The following MAP3K15 variants were observed in gnomAD, a reference collection of about 807,000 sequenced individuals.
The protein encoded by MAP3K15 is MAPK/ERK kinase kinase 15.
A neutral mutation model predicts 99.5 loss-of-function variants in MAP3K15; 124 were observed. That is an observed-to-expected ratio of 1.25 (90% CI 1.08 to 1.45). The LOEUF (loss-of-function observed/expected upper bound fraction) is 1.45. MAP3K15 is among the 40% of genes most tolerant of loss of function. The pLI is 0.00. For missense variants in MAP3K15, 1,242 were observed against 1,079.7 expected (o/e 1.15, Z -2.11); for synonymous variants, 494 against 439.6 (o/e 1.12, Z -1.55).
rs991557819 is a variant in MAP3K15 at position 19,465,820 on chromosome X, G to C, written c.526-1414C>G. On this transcript the variant is annotated intron_variant, in intron 3 of 28. Coordinates refer to ENST00000338883, the MANE Select transcript of MAP3K15 (RefSeq NM_001001671.4). ...TGTAAGTAGAAAGGGTAAAAATTCA[G>C]GTGTGTAGGGGTGTGTGTGTGTGTG... is the stretch of plus-strand genomic sequence containing the variant. Among the ~76,000 whole-genome samples the C allele has an allele frequency of 5.2e-5, 3 of 57,713 alleles. No homozygotes were observed. The East Asian group carries it at 1.9e-3, about 37-fold the overall frequency. 50.1% of individuals were successfully genotyped at this position (57,713 alleles called of 115,157 possible).
At chrX:19,437,963 G>C (rs1483824249) in intron 6 of MAP3K15, among the ~76,000 whole-genome samples, 1 of 112,194 alleles carries the variant, frequency 8.9e-6, no homozygotes, top group Admixed American at 9.5e-5. Flanking sequence ...ATAGAAAATT[G>C]TCTCCAAGGA....
At chrX:19,475,118 G>A (rs190151920) in intron 3 of MAP3K15, among the ~76,000 whole-genome samples, 169 of 110,798 alleles carry the variant, frequency 1.5e-3, no homozygotes, top group African/African-American at 5.1e-3. Flanking sequence ...CTGTGATGTA[G>A]AATCAACAGG....
chrX:19,360,954 C>T (rs996197748), intron 28 of MAP3K15, 121 bp from the exon 29 acceptor site: 22 of 500,049 alleles, frequency 4.4e-5, no homozygotes, highest in South Asian at 3.4e-4. Context: ...ATGGAGGTGA[C>T]GCTCGTGTCC....
rs768517887 is a variant in MAP3K15 at position 19,455,736 on chromosome X, C to G, written c.995+1177G>C. Among the ~76,000 whole-genome samples, 5 of 109,263 alleles carry G rather than the reference C, an allele frequency of 4.6e-5. No homozygotes were observed. The South Asian group carries it at 1.6e-3, about 35-fold the overall frequency. The allele number at this position is 109,263 out of a possible 115,157, so 94.9% of individuals were successfully genotyped here. On this transcript the variant is annotated intron_variant, in intron 6 of 28. Transcript: ENST00000338883. ...GGCAATCTATTATTTCATTCTCTGT[C>G]TGACAACGGTTACCTCTACTATGTC...
At position 19,422,511 on chromosome X, in the gene MAP3K15, T is replaced by C. The variant is rs186785604; in HGVS notation, c.1439+3020A>G. Among the ~76,000 whole-genome samples, 334 of 111,753 alleles carry C rather than the reference T, an allele frequency of 3.0e-3. 1 individual carries two copies. Among genetic ancestry groups the C allele is most frequent in the African/African-American group, 0.01 (317 of 30,705 alleles). On this transcript the variant is annotated intron_variant, in intron 9 of 28. Transcript: ENST00000338883. The stretch of plus-strand genomic sequence containing the variant: ...TCACACCAGTTAGAATGGCGATCAT[T>C]AAAAAGTCAGGAAACAACAGGTGCT...
At chrX:19,399,127 A>T (rs2063589139) in intron 14 of MAP3K15, among the ~76,000 whole-genome samples, 1 of 112,141 alleles carries the variant, frequency 8.9e-6, no homozygotes, top group African/African-American at 3.2e-5. Context: ...ACTTCTAGGG[A>T]TGTTCATGAC....
intron 15 of MAP3K15, among the ~76,000 whole-genome samples, 173 bp downstream of exon 15, chrX:19,398,053 G>C (rs1181331259): frequency 2.2e-5 from 2 of 90,861 alleles, no homozygotes; most frequent in Non-Finnish European, 4.1e-5. Context: ...AATAGAGCGA[G>C]ACTCCGTTTC....
chrX:19,416,959 T>C (rs571148324), intron 9 of MAP3K15, among the ~76,000 whole-genome samples: 8 of 112,211 alleles, frequency 7.1e-5, no homozygotes, highest in Admixed American at 6.6e-4. Flanking sequence ...GAGGTAATTT[T>C]AGATTTACAT....
At chrX:19,443,666 C>G (rs56351117) in intron 6 of MAP3K15, among the ~76,000 whole-genome samples, 1 of 111,356 alleles carries the variant, frequency 9.0e-6, no homozygotes, top group Non-Finnish European at 1.9e-5. Context: ...GTATTCTGGG[C>G]GGGGGCACAG....
intron 12 of MAP3K15, among the ~76,000 whole-genome samples, chrX:19,407,720 T>C (rs760243711): frequency 8.9e-6 from 1 of 112,341 alleles, no homozygotes; most frequent in African/African-American, 3.2e-5. Flanking sequence ...GAAATAAACA[T>C]GGCACTGTAG....
intron 1 of MAP3K15, among the ~76,000 whole-genome samples, chrX:19,499,318 T>C (rs1373226604): frequency 8.9e-6 from 1 of 112,139 alleles, no homozygotes; most frequent in Admixed American, 9.5e-5. Flanking sequence ...CTGTCACACA[T>C]TGGTGCTAAG....
Position 19,395,142 on chromosome X carries a change from C to A in MAP3K15, c.2133G>T (p.Gln711His), listed in dbSNP as rs757128363. The A allele has an allele frequency of 8.3e-7, 1 of 1,206,625 alleles. No homozygotes were observed. Among genetic ancestry groups the A allele is most frequent in the East Asian group, 3.0e-5 (1 of 33,628 alleles). ...CGTTCTCTGAAACAGAGCCCAGGTA[C>A]TGAACGATATTGCGGTGCTTAAGGT... Reference protein sequence around the residue: ...HKYLKHRNIVQYLGSVSENGY... With the variant: ...HKYLKHRNIVHYLGSVSENGY... The change falls in exon 16 of 29, where the codon CAG becomes CAT. Residue 711 changes from glutamine (Q) to histidine (H), a missense_variant. Transcript: ENST00000338883.
intron 17 of MAP3K15, 40 bp from the exon 18 acceptor site, chrX:19,392,147 T>C (rs771791721): frequency 4.1e-5 from 45 of 1,097,070 alleles, no homozygotes; most frequent in Non-Finnish European, 5.5e-5. Context: ...AAAGACAGGC[T>C]GAAACGAACT....
At chrX:19,388,295 C>T (rs762566458) in intron 18 of MAP3K15, among the ~76,000 whole-genome samples, 1 of 112,057 alleles carries the variant, frequency 8.9e-6, no homozygotes, top group South Asian at 3.7e-4. Flanking sequence ...GTGTGCGCTC[C>T]TTCAAGTGTC....
intron 25 of MAP3K15, among the ~76,000 whole-genome samples, chrX:19,367,781 T>C (rs974269989): frequency 1.4e-4 from 12 of 86,929 alleles, no homozygotes; most frequent in Non-Finnish European, 1.7e-4. Context: ...CAGAGTCTCA[T>C]GCTGTCGCCC....
chrX:19,478,375 AAAGAG>A (rs2064267144), intron 3 of MAP3K15, among the ~76,000 whole-genome samples: 1 of 106,900 alleles, frequency 9.4e-6, no homozygotes. Flanking sequence ...AGGATACAGA[AAAGAG>A]AAAAGAAACT....
At chrX:19,490,168 CACACACACACACACACAT>C (rs1351900914) in intron 1 of MAP3K15, among the ~76,000 whole-genome samples, 3 of 86,096 alleles carry the variant, frequency 3.5e-5, no homozygotes, top group Admixed American at 2.4e-4. Flanking sequence ...CACACACACA[CACACACACACACACACAT>C]ACATACAAAA....
rs1025047520 is a variant in MAP3K15, at chrX:19,456,969, C to T, written c.939G>A (p.Thr313=). Reference sequence around the variant, plus strand: ...TGTTATGCTGATCGGCCAAATCACACGTAGGCAGCATCTCCAGTGTTTCCA... The same window carrying T: ...TGTTATGCTGATCGGCCAAATCACATGTAGGCAGCATCTCCAGTGTTTCCA... ...KLVETLEMLP[T]CDLADQHNIK... The change falls in exon 6 of 29, where the codon ACG becomes ACA. Residue 313 remains threonine (T), a synonymous_variant. Transcript: ENST00000338883. The T allele has an allele frequency of 6.7e-6, 8 of 1,199,440 alleles. No homozygotes were observed. Among genetic ancestry groups the T allele is most frequent in the South Asian group, 1.8e-5 (1 of 56,817 alleles).
intron 1 of MAP3K15, among the ~76,000 whole-genome samples, chrX:19,509,370 A>G (rs1253244399): frequency 8.9e-6 from 1 of 112,048 alleles, no homozygotes; most frequent in East Asian, 2.8e-4. Flanking sequence ...CAGCAAATGC[A>G]AAAGAACAGA....
Sources: allele counts gnomAD v4.1 joint callset (sites outside exome capture counted in the v4.1 genomes callset), GRCh38; gene constraint gnomAD v4.1.1; transcripts MANE v1.5; gene names NCBI Gene and HGNC (gene_info 2026-07-23, HGNC 2026-07-21).